The following MAML2 variants were observed in gnomAD, a reference collection of about 807,000 sequenced individuals.
MAML2 encodes the protein mastermind like transcriptional coactivator 2, also known as mastermind-like protein 2.
A neutral mutation model predicts 96.1 loss-of-function variants in MAML2; 22 were observed. That is an observed-to-expected ratio of 0.23 (90% CI 0.16 to 0.33). The LOEUF is 0.33. MAML2 is among the 10% of genes least tolerant of loss of function. The probability of loss-of-function intolerance (pLI) is 1.00; values close to 1 mark genes in which losing one functional copy is unlikely to be tolerated. For missense variants in MAML2, 1,367 were observed against 1,392.4 expected, an observed-to-expected ratio of 0.98 and a Z score of 0.29; for synonymous variants, 561 against 521.3, an observed-to-expected ratio of 1.08 and a Z score of -1.04.
intron 1 of MAML2, among the ~76,000 whole-genome samples, chr11:96,167,855 C>T (rs1260992213): frequency 6.6e-6 from 1 of 152,150 alleles, no homozygotes; most frequent in Non-Finnish European, 1.5e-5. Context: ...TTCTTGACAC[C>T]GTTGGCAGTT....
In MAML2 at chr11:96,282,477, G is replaced by T. The variant is rs117096123; in HGVS notation, c.513+58906C>A. Among the ~76,000 whole-genome samples, 68 of 152,178 alleles carry T rather than the reference G, an allele frequency of 4.5e-4. No individual in the cohort carries two copies. The South Asian group carries it at 0.012, about 26-fold the overall frequency. On this transcript the variant is annotated intron_variant, in intron 1 of 4. Transcript: ENST00000524717. ...AAGTATGCTGATGTCCACTCTCCAG[G>T]TCTTCAAAATCAAAGCAGAATTGAA...
At chr11:96,117,777 T>TA (rs1340410422) in intron 1 of MAML2, among the ~76,000 whole-genome samples, 6 of 152,134 alleles carry the variant, frequency 3.9e-5, no homozygotes, top group Non-Finnish European at 7.4e-5. Flanking sequence ...CCCCAGGACT[T>TA]AAAAATTGTA....
chr11:95,988,752 G>C (rs1857866859), intron 3 of MAML2, among the ~76,000 whole-genome samples: 1 of 151,966 alleles, frequency 6.6e-6, no homozygotes, highest in Admixed American at 6.6e-5. Flanking sequence ...ATACTGAATA[G>C]AGATGGCTAC....
chr11:96,200,372 T>C (rs1173417213), intron 1 of MAML2, among the ~76,000 whole-genome samples: 1 of 152,206 alleles, frequency 6.6e-6, no homozygotes, highest in East Asian at 1.9e-4. Context: ...GTCCATTTCT[T>C]GAGTCAGATC....
intron 2 of MAML2, 73 bp downstream of exon 2, chr11:96,091,819 A>T: frequency 6.5e-7 from 1 of 1,529,322 alleles, no homozygotes; most frequent in Admixed American, 2.1e-5. Context: ...TACAAACATA[A>T]TGGTAACCAC....
At chr11:96,303,602 C>T (rs1211950772) in intron 1 of MAML2, among the ~76,000 whole-genome samples, 1 of 152,132 alleles carries the variant, frequency 6.6e-6, no homozygotes, top group African/African-American at 2.4e-5. Context: ...TTCCTTTCCT[C>T]CTTTGAGCTG....
intron 1 of MAML2, among the ~76,000 whole-genome samples, chr11:96,299,698 T>C (rs1000090772): frequency 1.3e-5 from 2 of 152,190 alleles, no homozygotes; most frequent in Non-Finnish European, 1.5e-5. Flanking sequence ...TCCTTACAGT[T>C]GTCCAAACGC....
In MAML2 at chr11:96,047,333, GTT is replaced by G. The variant is rs1199987466; in HGVS notation, c.2139+44557_2139+44558del. Reference sequence around the variant, plus strand: ...CACCTCCCAACCCAAACTCCAAGCAGTTTTATCTCAAATCCTTGTTCTGTCAT... The same window carrying G: ...CACCTCCCAACCCAAACTCCAAGCAGTTATCTCAAATCCTTGTTCTGTCAT... On this transcript the variant is annotated intron_variant, in intron 2 of 4. Coordinates refer to ENST00000524717, the MANE Select transcript of MAML2 (RefSeq NM_032427.4). Among the ~76,000 whole-genome samples the G allele has an allele frequency of 3.9e-5, 6 of 152,252 alleles. No individual in the cohort carries two copies. In the East Asian group the frequency reaches 1.2e-3, roughly 29 times the overall value.
intron 1 of MAML2, among the ~76,000 whole-genome samples, chr11:96,334,877 G>C (rs1487413819): frequency 2.0e-5 from 3 of 152,170 alleles, no homozygotes; most frequent in Non-Finnish European, 4.4e-5. Flanking sequence ...GCTATGGTAG[G>C]GTCCAGCTCT....
Position 96,342,409 on chromosome 11 carries a change from T to C in MAML2, c.-514A>G, listed in dbSNP as rs1183584752. ...TCTGCAGAGAAACACATTTCTACCA[T>C]GTCTATGTAACCAGCAGCCTTGACT... On this transcript the variant is annotated 5_prime_UTR_variant, in exon 1 of 5. The change abolishes an upstream ATG in the 5' untranslated region. Transcript: ENST00000524717. The C allele has an allele frequency of 2.3e-5, 9 of 399,170 alleles. No homozygotes were observed. Among genetic ancestry groups the C allele is most frequent in the East Asian group, 3.6e-5 (1 of 28,098 alleles). The allele number at this position is 399,170 out of a possible 1,614,324, so 24.7% of individuals were successfully genotyped here.
At chr11:96,076,432 T>TCACACACA (rs57102762) in intron 2 of MAML2, among the ~76,000 whole-genome samples, 101 of 103,178 alleles carry the variant, frequency 9.8e-4, no homozygotes, top group Middle Eastern at 5.4e-3. Flanking sequence ...TCTCTCTCTC[T>TCACACACA]CACACACACA....
At chr11:96,035,441 G>C (rs973902941) in intron 2 of MAML2, among the ~76,000 whole-genome samples, 10 of 152,156 alleles carry the variant, frequency 6.6e-5, no homozygotes, top group Admixed American at 4.6e-4. Context: ...CTGAGGATGT[G>C]GATTCTACGG....
intron 1 of MAML2, among the ~76,000 whole-genome samples, chr11:96,339,992 T>C (rs1432171017): frequency 6.6e-6 from 1 of 152,172 alleles, no homozygotes; most frequent in Non-Finnish European, 1.5e-5. Context: ...GTTTAACTGT[T>C]GGTAGTTATT....
intron 1 of MAML2, among the ~76,000 whole-genome samples, chr11:96,176,616 G>A (rs577645929): frequency 8.2e-4 from 125 of 152,198 alleles, no homozygotes; most frequent in Non-Finnish European, 1.4e-3. Flanking sequence ...TGAGAAAATG[G>A]AAAAGGTGAG....
intron 4 of MAML2, among the ~76,000 whole-genome samples, chr11:95,984,130 T>C (rs1857787119): frequency 6.6e-6 from 1 of 152,216 alleles, no homozygotes; most frequent in South Asian, 2.1e-4. Context: ...CACACAAACT[T>C]ACCATTGTGT....
chr11:96,306,307 C>T (rs1716611783), intron 1 of MAML2, among the ~76,000 whole-genome samples: 1 of 152,130 alleles, frequency 6.6e-6, no homozygotes, highest in African/African-American at 2.4e-5. Context: ...GATCAAAAAG[C>T]TTCAAAAGAC....
intron 1 of MAML2, among the ~76,000 whole-genome samples, chr11:96,109,072 T>G (rs1013243943): frequency 6.6e-6 from 1 of 152,002 alleles, no homozygotes; most frequent in Non-Finnish European, 1.5e-5. Flanking sequence ...AGTCAGTAAT[T>G]GAACCAGATT....
At chr11:96,303,484 A>G (rs1200144347) in intron 1 of MAML2, among the ~76,000 whole-genome samples, 1 of 152,236 alleles carries the variant, frequency 6.6e-6, no homozygotes, top group Non-Finnish European at 1.5e-5. Flanking sequence ...GTTCTGAGGT[A>G]AGTATATACT....
At chr11:96,249,613 C>T (rs1446127095) in intron 1 of MAML2, among the ~76,000 whole-genome samples, 3 of 152,086 alleles carry the variant, frequency 2.0e-5, no homozygotes, top group Non-Finnish European at 4.4e-5. Context: ...ATCCTTGGTT[C>T]AGTTCTTTCT....
Sources: allele counts gnomAD v4.1 joint callset (sites outside exome capture counted in the v4.1 genomes callset), GRCh38; gene constraint gnomAD v4.1.1; transcripts MANE v1.5; gene names NCBI Gene and HGNC (gene_info 2026-07-23, HGNC 2026-07-21).